The following STXBP2 variants were observed in gnomAD, a reference collection of about 807,000 sequenced individuals.
STXBP2 encodes the protein syntaxin-binding protein 2.
In STXBP2, 47 loss-of-function variants were observed where a neutral mutation model predicts 72.2. That is an observed-to-expected ratio of 0.65 (90% confidence interval 0.51 to 0.83). STXBP2 has a LOEUF of 0.83. Among genes scored for constraint, STXBP2 ranks in the 40% least tolerant of loss-of-function variants. STXBP2 has a pLI of 0.00. For missense variants in STXBP2, 702 were observed against 807.6 expected (o/e 0.87, Z 1.58); for synonymous variants, 367 against 338.7 (o/e 1.08, Z -0.92).
chr19:7,642,925 G>A lies in STXBP2; in HGVS notation c.961-58G>A. On this transcript the variant is annotated intron_variant, in intron 11 of 18. Coordinates refer to ENST00000221283, the MANE Select transcript of STXBP2 (RefSeq NM_006949.4). The surrounding 1 kb of genome is among the most constrained non-coding windows in gnomAD (Gnocchi z 6.0). ...GATTTCGAGCCTGGACTGAGACCCAGGTGGGCACTGCCTGGCTTCGCCCCC... is the reference window on the plus strand; with the variant it reads ...GATTTCGAGCCTGGACTGAGACCCAAGTGGGCACTGCCTGGCTTCGCCCCC... 1 of 1,613,164 alleles carries A rather than the reference G, an allele frequency of 6.2e-7. No homozygotes were observed. The highest frequency in any genetic ancestry group is 8.5e-7 in the Non-Finnish European group (1 of 1,179,118).
chr19:7,642,797 G>C lies in STXBP2; in HGVS notation c.934G>C (p.Glu312Gln), dbSNP rs746027500. 2 of 1,614,096 alleles carry C rather than the reference G, an allele frequency of 1.2e-6. No homozygotes were observed. Reference sequence around the variant, plus strand: ...CACGGAGCTCCTGAGGACCTTCTGTGAGAGCAAGAGGCTGACCACGGACAA... The same window carrying C: ...CACGGAGCTCCTGAGGACCTTCTGTCAGAGCAAGAGGCTGACCACGGACAA... ...KVTELLRTFCESKRLTTDKAN... is the reference protein window; with the variant it reads ...KVTELLRTFCQSKRLTTDKAN... Residue 312 changes from glutamate (E) to glutamine (Q), a missense_variant, in exon 11 of 19, where the codon GAG (glutamate) becomes CAG (glutamine). Transcript: ENST00000221283. The surrounding 1 kb of genome is among the most constrained non-coding windows in gnomAD (Gnocchi z 6.0).
At chr19:7,644,895 G>C in intron 14 of STXBP2, 143 bp downstream of exon 14, 3 of 1,489,772 alleles carry the variant, frequency 2.0e-6, no homozygotes, top group Non-Finnish European at 2.7e-6. Flanking sequence ...CTCTGGACCC[G>C]GGAACCCTCC....
Position 7,642,886 on chromosome 19 carries a change from A to G in STXBP2, c.960+63A>G. 1.2e-6 allele frequency: 2 copies of G among 1,612,838 alleles called. No individual in the cohort carries two copies. Among genetic ancestry groups the G allele is most frequent in the Non-Finnish European group, 1.7e-6 (2 of 1,178,842 alleles). The stretch of plus-strand genomic sequence containing the variant: ...AGGAAGCCCCCCTCCCCATGGGCGC[A>G]GGGCCACAGCCTGGATTTCGAGCCT... On this transcript the variant is annotated intron_variant, in intron 11 of 18. Transcript: ENST00000221283. This position sits in a 1 kb window ranked among gnomAD's most constrained non-coding sequence, Gnocchi z 6.0.
At chr19:7,645,004 C>T (rs928551251) in intron 14 of STXBP2, 193 bp from the exon 15 acceptor site, 4 of 1,446,792 alleles carry the variant, frequency 2.8e-6, no homozygotes, top group Admixed American at 2.6e-5. Flanking sequence ...TCCCTCAGCT[C>T]ATCTGGAGGA....
intron 4 of STXBP2, chr19:7,640,292 A>C: frequency 1.9e-6 from 1 of 513,634 alleles, no homozygotes; most frequent in Non-Finnish European, 3.7e-6. Flanking sequence ...ATCTGTGTGC[A>C]TGTGTCTATG....
chr19:7,629,976 T>A, the STXBP2 span: 2 of 1,274,270 alleles, frequency 1.6e-6, no homozygotes, highest in Non-Finnish European at 2.1e-6. Context: ...AGAAAGCTCT[T>A]AAGATTTGAG....
chr19:7,629,854 A>G, the STXBP2 span: 1 of 1,534,806 alleles, frequency 6.5e-7, no homozygotes, highest in Non-Finnish European at 8.7e-7. Context: ...AGCTGGAGAT[A>G]TTTCGGGTCA....
chr19:7,630,330 C>G, the STXBP2 span: 4 of 561,770 alleles, frequency 7.1e-6, no homozygotes, highest in African/African-American at 7.5e-5. Context: ...GTCTGTGTGT[C>G]TGTCTGTGTT....
At chr19:7,646,093 C>A (rs961000489) in intron 15 of STXBP2, 156 bp from the exon 16 acceptor site, 1 of 640,310 alleles carries the variant, frequency 1.6e-6, no homozygotes. Context: ...TTCTCTCTCT[C>A]GCTTTCTTGC....
In STXBP2 at chr19:7,637,165, C is replaced by T. The variant is rs1268298325; in HGVS notation, c.16C>T (p.Leu6=). 2.4e-6 allele frequency: 3 copies of T among 1,242,510 alleles called. No individual in the cohort carries two copies. In the East Asian group the frequency reaches 9.5e-5, roughly 39 times the overall value. 77.0% of individuals were successfully genotyped at this position (1,242,510 alleles called of 1,614,324 possible). A position where few individuals can be genotyped will look rare whatever the true frequency, so the allele number is the denominator to read the frequency against. MAPSG[L]KAVVGEKILS... ...CTCGGGGAAGATGGCGCCCTCGGGG[C>T]TGAAGGCGGTGGTGGGGGAAAGTGA... The change falls in exon 1 of 19, where the codon CTG becomes TTG. Residue 6 remains leucine, a synonymous_variant. Transcript: ENST00000221283.
intron 14 of STXBP2, 117 bp from the exon 15 acceptor site, chr19:7,645,080 C>T (rs781234046): frequency 4.8e-6 from 7 of 1,457,516 alleles, no homozygotes; most frequent in Non-Finnish European, 6.5e-6. Context: ...CTGAGGCCCT[C>T]CCCACTGCAA....
chr19:7,637,579 G>A (rs1440776454), intron 1 of STXBP2, among the ~76,000 whole-genome samples: 1 of 152,040 alleles, frequency 6.6e-6, no homozygotes, highest in Admixed American at 6.6e-5. Context: ...TCTGGTCAGC[G>A]ACCCTAGGTG....
upstream of STXBP2, chr19:7,637,064 G>T: frequency 8.2e-7 from 1 of 1,221,792 alleles, no homozygotes; most frequent in East Asian, 3.2e-5. Flanking sequence ...CAGGGCCCGC[G>T]GGGCGGGGTC....
the STXBP2 span, chr19:7,631,395 T>A: frequency 2.2e-5 from 7 of 318,040 alleles, no homozygotes; most frequent in Non-Finnish European, 3.5e-5. Flanking sequence ...GTGGGAGAGG[T>A]GGGCGGGGGG....
intron 14 of STXBP2, 119 bp from the exon 15 acceptor site, chr19:7,645,078 C>T: frequency 6.9e-7 from 1 of 1,458,808 alleles, no homozygotes. Context: ...TACTGAGGCC[C>T]TCCCCACTGC....
At chr19:7,644,837 C>G (rs1314658541) in intron 14 of STXBP2, 85 bp downstream of exon 14, 5 of 1,600,748 alleles carry the variant, frequency 3.1e-6, no homozygotes, top group Non-Finnish European at 3.4e-6. Flanking sequence ...CCACAGCTCT[C>G]CTTGGGTCAT....
chr19:7,640,468 CTGTGTGTGCATGTGTGTATG>C lies in STXBP2; in HGVS notation c.247-251_247-232del, dbSNP rs1568465552. The C allele has an allele frequency of 1.1e-5, 7 of 647,642 alleles. No individual in the cohort carries two copies. In the East Asian group the frequency reaches 1.5e-4, roughly 14 times the overall value. The allele number at this position is 647,642 out of a possible 1,614,324, so 40.1% of individuals were successfully genotyped here. On this transcript the variant is annotated intron_variant, in intron 4 of 18. Transcript: ENST00000221283. ...TGTGTGTATGTATGTGTGTGCATCT[CTGTGTGTGCATGTGTGTATG>C]TGTGTGTGCATCTGTGTGTGTGTGC...
chr19:7,631,484 A>G, the STXBP2 span: 2 of 1,536,132 alleles, frequency 1.3e-6, no homozygotes, highest in South Asian at 1.2e-5. Context: ...TTCAAGAGAT[A>G]GAGGAATTCA....
the STXBP2 span, chr19:7,631,475 T>G: frequency 6.5e-7 from 1 of 1,535,752 alleles, no homozygotes; most frequent in Non-Finnish European, 8.7e-7. Flanking sequence ...ACCCCTAGCT[T>G]CAAGAGATAG....
Sources: gnomAD v4.1 joint callset for allele counts (sites outside exome capture counted in the v4.1 genomes callset) on GRCh38, gnomAD v4.1.1 for gene constraint, Gnocchi (gnomAD v3.1) non-coding constraint, MANE v1.5 for transcripts, NCBI Gene and HGNC (gene_info 2026-07-23, HGNC 2026-07-21) for gene names.